ZNF385D: variants seen among roughly 807,000 people sequenced by gnomAD.
The protein encoded by ZNF385D is zinc finger protein 385D.
In ZNF385D, 15 loss-of-function variants were observed where a neutral mutation model predicts 35.8. The observed-to-expected ratio is 0.42, with a 90% CI of 0.28 to 0.64. The LOEUF (loss-of-function observed/expected upper bound fraction) is 0.64, where lower values mean the gene tolerates loss of function less well. Among genes scored for constraint, ZNF385D ranks in the 30% least tolerant of loss-of-function variants. The pLI is 0.23. For missense variants in ZNF385D, 474 were observed against 494.6 expected, an observed-to-expected ratio of 0.96 and a Z score of 0.39; for synonymous variants, 212 against 186.8, an observed-to-expected ratio of 1.13 and a Z score of -1.10.
intron 3 of ZNF385D, chr3:21,562,201 C>T (rs576366977): frequency 7.2e-5 from 11 of 152,228 alleles, no homozygotes; most frequent in South Asian, 2.1e-4. Flanking sequence ...GCTACTCTCT[C>T]ACCATGGAAA....
chr3:22,176,455 G>A (rs1280473781), intron 2 of ZNF385D, among the ~76,000 whole-genome samples: 1 of 152,106 alleles, frequency 6.6e-6, no homozygotes, highest in African/African-American at 2.4e-5. Context: ...TTACATTATA[G>A]AAGACTACAT....
chr3:21,608,023 G>GTTTTTTTTTGGTTTTTTTTTTTTTTT lies in ZNF385D; in HGVS notation c.166-43340_166-43339insAAAAAAAAAAAAAAACCAAAAAAAAA, dbSNP rs1553622610. On this transcript the variant is annotated intron_variant, in intron 2 of 7. Coordinates refer to ENST00000281523, the MANE Select transcript of ZNF385D (RefSeq NM_024697.3). The stretch of plus-strand genomic sequence containing the variant: ...TAATTCTTTTTCTTCTTTTTTTTTT[G>GTTTTTTTTTGGTTTTTTTTTTTTTTT]TTTTTTTTTTTTGAGTCTTGCTGTC... Among the ~76,000 whole-genome samples the GTTTTTTTTTGGTTTTTTTTTTTTTTT allele has an allele frequency of 2.0e-4, 24 of 120,234 alleles. 1 individual carries two copies. Among genetic ancestry groups the GTTTTTTTTTGGTTTTTTTTTTTTTTT allele is most frequent in the South Asian group, 2.9e-4 (1 of 3,408 alleles). 78.9% of individuals were successfully genotyped at this position (120,234 alleles called of 152,430 possible).
At chr3:22,031,819 G>A (rs981079884) in intron 3 of ZNF385D, among the ~76,000 whole-genome samples, 3 of 152,224 alleles carry the variant, frequency 2.0e-5, no homozygotes, top group Admixed American at 1.3e-4. Flanking sequence ...AAACTTTTAT[G>A]TTCTGCTTCC....
rs60136321 is a variant in ZNF385D, at chr3:21,906,974, C to G, written c.326-241946G>C. ...ACTACTCAAGAGCTAGCAGTGCAGT[C>G]AGACTCTTTGGAATGCCTCCACATT... On this transcript the variant is annotated intron_variant, in intron 3 of 5. Coordinates refer to the ZNF385D transcript ENST00000494108. Among the ~76,000 whole-genome samples, 239 of 152,256 alleles carry G rather than the reference C, an allele frequency of 1.6e-3. 2 individuals are homozygous for G. Among genetic ancestry groups the G allele is most frequent in the African/African-American group, 5.4e-3 (224 of 41,552 alleles).
chr3:21,495,459 T>C (rs1324591941), intron 4 of ZNF385D, among the ~76,000 whole-genome samples: 1 of 152,136 alleles, frequency 6.6e-6, no homozygotes, highest in African/African-American at 2.4e-5. Flanking sequence ...TTACTTTGGG[T>C]AAATAATGAA....
chr3:22,287,426 A>T (rs1279764912), intron 2 of ZNF385D, among the ~76,000 whole-genome samples: 1 of 151,896 alleles, frequency 6.6e-6, no homozygotes, highest in East Asian at 1.9e-4. Context: ...TACTTGTTTG[A>T]CATATCTTTG....
Position 21,731,527 on chromosome 3 carries a change from T to C in ZNF385D, c.22+19368A>G, listed in dbSNP as rs144483030. Among the ~76,000 whole-genome samples, 657 of 152,242 alleles carry C rather than the reference T, an allele frequency of 4.3e-3. 2 individuals carry two copies. The highest frequency in any genetic ancestry group is 4.1e-3 in the Non-Finnish European group (280 of 68,022). ...TCATAACTACCCAGAGTTTATGGAG[T>C]ACGTTAACATTAAGGTTCACTCTTG... On this transcript the variant is annotated intron_variant, in intron 1 of 7. Coordinates refer to ENST00000281523, the MANE Select transcript of ZNF385D (RefSeq NM_024697.3).
chr3:21,454,624 G>A (rs539859911), intron 4 of ZNF385D, among the ~76,000 whole-genome samples: 152 of 152,174 alleles, frequency 1.0e-3, no homozygotes, highest in African/African-American at 3.6e-3. Context: ...CAAACCCACA[G>A]CCAATATCAT....
chr3:21,794,133 A>G (rs1177938866), intron 3 of ZNF385D, among the ~76,000 whole-genome samples: 2 of 152,148 alleles, frequency 1.3e-5, no homozygotes, highest in Non-Finnish European at 2.9e-5. Context: ...GTGCGTAGCA[A>G]AATTTCTTTT....
At chr3:21,740,657 G>A (rs1427171040) in intron 1 of ZNF385D, among the ~76,000 whole-genome samples, 2 of 152,246 alleles carry the variant, frequency 1.3e-5, no homozygotes, top group African/African-American at 2.4e-5. Flanking sequence ...TCCGTGAGAG[G>A]AGACAATGTG....
rs191973579 is a variant in ZNF385D, at chr3:22,085,858, G to C, written c.325+82959C>G. Among the ~76,000 whole-genome samples the C allele has an allele frequency of 4.6e-5, 7 of 152,272 alleles. No individual in the cohort carries two copies. In the East Asian group the frequency reaches 1.2e-3, roughly 25 times the overall value. ...GCACATCAAAAAGATTATCCACCAT[G>C]ATCAAGTCAGCTTCATCCCTGAGTT... On this transcript the variant is annotated intron_variant, in intron 3 of 5. Coordinates refer to the ZNF385D transcript ENST00000494108.
At chr3:21,458,833 A>G (rs929584110) in intron 4 of ZNF385D, among the ~76,000 whole-genome samples, 1 of 151,508 alleles carries the variant, frequency 6.6e-6, no homozygotes, top group Non-Finnish European at 1.5e-5. Flanking sequence ...GGGACTGATG[A>G]TGAGTATGTG....
chr3:21,775,909 AAAG>A (rs1401271969), intron 3 of ZNF385D, among the ~76,000 whole-genome samples: 2 of 151,896 alleles, frequency 1.3e-5, no homozygotes, highest in African/African-American at 4.8e-5. Flanking sequence ...AAAATAATGT[AAAG>A]AAGAAAATAA....
At chr3:21,535,875 A>C (rs1460154453) in intron 3 of ZNF385D, among the ~76,000 whole-genome samples, 1 of 152,004 alleles carries the variant, frequency 6.6e-6, no homozygotes. Context: ...TCCCATCGCT[A>C]GTCACCCTGA....
chr3:22,279,105 T>C (rs978807101), intron 2 of ZNF385D, among the ~76,000 whole-genome samples: 4 of 152,096 alleles, frequency 2.6e-5, no homozygotes, highest in Non-Finnish European at 5.9e-5. Flanking sequence ...TCAATTGTGT[T>C]CCTTTTTTGT....
chr3:22,284,270 C>A (rs559188243), intron 2 of ZNF385D, among the ~76,000 whole-genome samples: 31 of 152,214 alleles, frequency 2.0e-4, no homozygotes, highest in African/African-American at 7.0e-4. Context: ...CTCACTGCAA[C>A]CTTTGCCTCC....
intron 3 of ZNF385D, among the ~76,000 whole-genome samples, chr3:22,102,839 G>A (rs1341440787): frequency 6.7e-6 from 1 of 150,320 alleles, no homozygotes; most frequent in Non-Finnish European, 1.5e-5. Flanking sequence ...TAGCATTGGG[G>A]CCTTTTTTTA....
intron 3 of ZNF385D, among the ~76,000 whole-genome samples, chr3:22,072,013 TTGAGA>T (rs1212225364): frequency 8.5e-5 from 13 of 152,158 alleles, no homozygotes; most frequent in Non-Finnish European, 1.8e-4. Flanking sequence ...AATTCTTTTC[TTGAGA>T]TGAGCAATAA....
chr3:21,617,800 GA>G (rs2125805651), intron 2 of ZNF385D, among the ~76,000 whole-genome samples: 1 of 152,240 alleles, frequency 6.6e-6, no homozygotes, highest in East Asian at 1.9e-4. Flanking sequence ...TGGTGGAAGG[GA>G]AAGAACACTG....
Sources: gnomAD v4.1 joint callset for allele counts (sites outside exome capture counted in the v4.1 genomes callset) on GRCh38, gnomAD v4.1.1 for gene constraint, MANE v1.5 for transcripts, NCBI Gene and HGNC (gene_info 2026-07-23, HGNC 2026-07-21) for gene names.